The following ZNF804A variants were observed in gnomAD, a reference collection of about 807,000 sequenced individuals.
ZNF804A encodes zinc finger protein 804A.
A neutral mutation model predicts 16.5 loss-of-function variants in ZNF804A; 2 were observed. That is an observed-to-expected ratio of 0.12 (90% confidence interval 0.05 to 0.38). The LOEUF (loss-of-function observed/expected upper bound fraction) is 0.38, where lower values mean the gene tolerates loss of function less well. ZNF804A is among the 10% of genes least tolerant of loss of function. The probability of loss-of-function intolerance (pLI) is 0.99; values close to 1 mark genes in which losing one functional copy is unlikely to be tolerated. For synonymous variants in ZNF804A, 534 were observed against 489.6 expected, an observed-to-expected ratio of 1.09 and a Z score of -1.20; for missense variants, 1,473 against 1,390.7, an observed-to-expected ratio of 1.06 and a Z score of -0.94.
intron 1 of ZNF804A, among the ~76,000 whole-genome samples, chr2:184,641,946 G>A (rs751613855): frequency 6.6e-6 from 1 of 152,144 alleles, no homozygotes; most frequent in African/African-American, 2.4e-5. Flanking sequence ...GAGGAGAAAT[G>A]AATGTCACTC....
At chr2:184,876,347 T>C (rs1684674995) in intron 2 of ZNF804A, among the ~76,000 whole-genome samples, 1 of 151,820 alleles carries the variant, frequency 6.6e-6, no homozygotes, top group African/African-American at 2.4e-5. Flanking sequence ...ACTGGCAAGG[T>C]AATGCGCAAT....
chr2:184,823,161 T>G (rs551374430), intron 1 of ZNF804A, among the ~76,000 whole-genome samples: 35 of 152,162 alleles, frequency 2.3e-4, no homozygotes, highest in Admixed American at 2.0e-3. Flanking sequence ...AGATGGCACC[T>G]TGAACACTCT....
chr2:184,791,746 T>C (rs1694547981), intron 1 of ZNF804A, among the ~76,000 whole-genome samples: 2 of 152,162 alleles, frequency 1.3e-5, no homozygotes, highest in Admixed American at 1.3e-4. Flanking sequence ...GTGTTTCATA[T>C]TCTATGAGTT....
chr2:184,722,155 G>A (rs1693328150), intron 1 of ZNF804A, among the ~76,000 whole-genome samples: 1 of 151,850 alleles, frequency 6.6e-6, no homozygotes, highest in Admixed American at 6.6e-5. Context: ...AAAAGCTTAT[G>A]TAAAAATAAA....
intron 1 of ZNF804A, among the ~76,000 whole-genome samples, chr2:184,750,407 A>G (rs1294143341): frequency 6.6e-6 from 1 of 151,416 alleles, no homozygotes; most frequent in Non-Finnish European, 1.5e-5. Context: ...GAAAAAGTTG[A>G]TTGGTTTTAT....
chr2:184,702,590 A>G (rs1298440022), intron 1 of ZNF804A, among the ~76,000 whole-genome samples: 3 of 152,076 alleles, frequency 2.0e-5, no homozygotes, highest in Non-Finnish European at 4.4e-5. Flanking sequence ...AATTTTAACT[A>G]CCACCTTGAA....
intron 1 of ZNF804A, among the ~76,000 whole-genome samples, chr2:184,828,685 T>A (rs967214213): frequency 1.3e-5 from 2 of 151,870 alleles, no homozygotes; most frequent in Non-Finnish European, 2.9e-5. Context: ...GACTTCATGA[T>A]GTGTAAAATG....
intron 1 of ZNF804A, among the ~76,000 whole-genome samples, chr2:184,749,159 G>T (rs1693839594): frequency 6.6e-6 from 1 of 151,036 alleles, no homozygotes; most frequent in African/African-American, 2.4e-5. Flanking sequence ...TCTGTAAATT[G>T]CTATGAGAAG....
intron 1 of ZNF804A, among the ~76,000 whole-genome samples, chr2:184,832,066 A>G (rs980248737): frequency 6.6e-6 from 1 of 152,030 alleles, no homozygotes; most frequent in Admixed American, 6.6e-5. Context: ...CTCTCATTTC[A>G]ATGATTATAA....
intron 1 of ZNF804A, among the ~76,000 whole-genome samples, chr2:184,742,638 T>A (rs1380365957): frequency 6.7e-6 from 1 of 149,328 alleles, no homozygotes; most frequent in Non-Finnish European, 1.5e-5. Context: ...ACGTGCTTTG[T>A]AGCCACTTGG....
At chr2:184,899,371 A>G (rs1685140406) in intron 2 of ZNF804A, among the ~76,000 whole-genome samples, 1 of 151,992 alleles carries the variant, frequency 6.6e-6, no homozygotes, top group African/African-American at 2.4e-5. Flanking sequence ...TTAATAGGAT[A>G]ATTTTTTAAA....
At chr2:184,698,500 A>G (rs1313775998) in intron 1 of ZNF804A, among the ~76,000 whole-genome samples, 1 of 152,020 alleles carries the variant, frequency 6.6e-6, no homozygotes, top group Non-Finnish European at 1.5e-5. Context: ...TTGTAACTTC[A>G]ATTGTTTTTT....
At chr2:184,847,003 A>G (rs1480558766) in intron 1 of ZNF804A, among the ~76,000 whole-genome samples, 1 of 152,170 alleles carries the variant, frequency 6.6e-6, no homozygotes, top group African/African-American at 2.4e-5. Flanking sequence ...TATCAGCTAA[A>G]TAATCACAGA....
chr2:184,733,272 T>G (rs770918148), intron 1 of ZNF804A, among the ~76,000 whole-genome samples: 1 of 152,174 alleles, frequency 6.6e-6, no homozygotes, highest in Non-Finnish European at 1.5e-5. Context: ...ACTTCTGAAT[T>G]TATTTCTATG....
Position 184,866,526 on chromosome 2 carries a change from G to A in ZNF804A, c.255+14G>A. On this transcript the variant is annotated intron_variant, in intron 2 of 3. Transcript: ENST00000302277. ...GCTCACAAGCAGGTAAGAAAGAGAT[G>A]TGAAAAAATTCTGGCATTTCTGGAC... 1 of 1,590,618 alleles carries A rather than the reference G, an allele frequency of 6.3e-7. No homozygotes were observed. Among genetic ancestry groups the A allele is most frequent in the East Asian group, 2.3e-5 (1 of 44,034 alleles).
At chr2:184,723,198 A>G (rs1693349262) in intron 1 of ZNF804A, among the ~76,000 whole-genome samples, 1 of 151,830 alleles carries the variant, frequency 6.6e-6, no homozygotes, top group Non-Finnish European at 1.5e-5. Flanking sequence ...TTATTCTAAA[A>G]TATATGCTTA....
rs534825181 is a variant in ZNF804A at position 184,890,620 on chromosome 2, A to AT, written c.255+24112dup. On this transcript the variant is annotated intron_variant, in intron 2 of 3. Coordinates refer to ENST00000302277, the MANE Select transcript of ZNF804A (RefSeq NM_194250.2). ...TATATATTCTAAATATTTATTTTCT[A>AT]TTTTGTAACTGTAACTCTCCAAGAT... Among the ~76,000 whole-genome samples the AT allele has an allele frequency of 1.0e-3, 159 of 152,100 alleles. 1 individual carries two copies. The highest frequency in any genetic ancestry group is 1.9e-3 in the Non-Finnish European group (130 of 67,916).
chr2:184,892,018 A>C (rs546961679), intron 2 of ZNF804A, among the ~76,000 whole-genome samples: 2 of 152,310 alleles, frequency 1.3e-5, no homozygotes, highest in Non-Finnish European at 2.9e-5. Context: ...GGAGAAAAAC[A>C]AAAGACCTAT....
At chr2:184,863,069 G>T (rs1158818656) in intron 1 of ZNF804A, among the ~76,000 whole-genome samples, 1 of 152,064 alleles carries the variant, frequency 6.6e-6, no homozygotes, top group East Asian at 1.9e-4. Context: ...TATGAGATGG[G>T]ATAGGATACA....
Sources: allele counts gnomAD v4.1 joint callset (sites outside exome capture counted in the v4.1 genomes callset), GRCh38; gene constraint gnomAD v4.1.1; transcripts MANE v1.5; gene names NCBI Gene and HGNC (gene_info 2026-07-23, HGNC 2026-07-21).